Variants in ELFN1 observed in about 807,000 individuals in gnomAD.
The protein encoded by ELFN1 is extracellular leucine rich repeat and fibronectin type III domain containing 1.
In ELFN1, 6 loss-of-function variants were observed where a neutral mutation model predicts 7.6. The observed-to-expected ratio is 0.79, with a 90% CI of 0.43 to 1.56. The LOEUF (loss-of-function observed/expected upper bound fraction) is 1.56. ELFN1 is among the 40% of genes most tolerant of loss of function. ELFN1 has a pLI of 0.01. For synonymous variants in ELFN1, 657 were observed against 588.1 expected (o/e 1.12, Z -1.70); for missense variants, 1,169 against 1,232.2 (o/e 0.95, Z 0.77).
At position 1,745,277 on chromosome 7, in the gene ELFN1, C is replaced by T. The variant is rs764062860; in HGVS notation, c.681C>T (p.Ser227=). ...AGTGCGAGTCGCCGCCCGTCTACTC[C>T]GGCTACTACCTCCTGGGCCAGGGCC... ...RMQCESPPVY[S]GYYLLGQGRR... is the part of the protein sequence containing the mutation. The change falls in exon 4 of 4, where the codon TCC becomes TCT. Residue 227 remains serine, a synonymous_variant. Coordinates refer to ENST00000424383, the MANE Select transcript of ELFN1 (RefSeq NM_001128636.4). The T allele has an allele frequency of 1.2e-4, 189 of 1,538,572 alleles. No individual in the cohort carries two copies. The highest frequency in any genetic ancestry group is 3.0e-4 in the South Asian group (25 of 84,060).
chr7:1,691,928 G>A (rs1422539696), intron 2 of ELFN1: 2 of 152,298 alleles, frequency 1.3e-5, no homozygotes, highest in East Asian at 3.9e-4. Flanking sequence ...GGTATTTAAA[G>A]GCCGATTCTG....
chr7:1,692,958 G>GGCCTGC (rs1355519056), intron 2 of ELFN1: 3 of 238,644 alleles, frequency 1.3e-5, no homozygotes, highest in African/African-American at 6.6e-5. Context: ...GGCAGGCCTG[G>GGCCTGC]GCCTGCGCCA....
chr7:1,719,114 C>T (rs374552232), intron 3 of ELFN1, among the ~76,000 whole-genome samples: 1 of 150,568 alleles, frequency 6.6e-6, no homozygotes, highest in East Asian at 2.0e-4. Context: ...CGCCCACCAA[C>T]AGGACCCCGC....
At chr7:1,713,230 C>T (rs896637090) in intron 3 of ELFN1, among the ~76,000 whole-genome samples, 10 of 152,186 alleles carry the variant, frequency 6.6e-5, no homozygotes, top group Admixed American at 2.0e-4. Context: ...CCTCAGAGCC[C>T]GGCAGGTGGG....
At chr7:1,712,485 G>T (rs1779689910) in intron 3 of ELFN1, among the ~76,000 whole-genome samples, 1 of 150,982 alleles carries the variant, frequency 6.6e-6, no homozygotes, top group African/African-American at 2.4e-5. Context: ...AGGCTGGAGT[G>T]CAATGGTGCA....
intron 2 of ELFN1, among the ~76,000 whole-genome samples, chr7:1,694,974 G>A (rs1187796086): frequency 6.6e-6 from 1 of 152,232 alleles, no homozygotes; most frequent in African/African-American, 2.4e-5. Context: ...TGCCCAGCTG[G>A]GACAAATTCC....
intron 2 of ELFN1, among the ~76,000 whole-genome samples, chr7:1,703,984 T>A (rs562452082): frequency 1.3e-5 from 2 of 152,342 alleles, no homozygotes; most frequent in African/African-American, 4.8e-5. Context: ...CTCTTCTGTG[T>A]GACCTTCAGC....
intron 1 of ELFN1, among the ~76,000 whole-genome samples, chr7:1,675,520 C>A (rs1015428024): frequency 6.6e-6 from 1 of 152,238 alleles, no homozygotes; most frequent in African/African-American, 2.4e-5. Flanking sequence ...AACTCAGGCA[C>A]CTCTTAGTCA....
chr7:1,693,341 C>T lies in ELFN1; in HGVS notation c.-456+5191C>T, dbSNP rs377047935. 1,104 of 462,072 alleles carry T rather than the reference C, an allele frequency of 2.4e-3. 17 individuals carry two copies. The highest frequency in any genetic ancestry group is 0.017 in the South Asian group (1,070 of 64,446). The allele number at this position is 462,072 out of a possible 1,614,324, so 28.6% of individuals were successfully genotyped here. On this transcript the variant is annotated intron_variant, in intron 2 of 3. Coordinates refer to ENST00000424383, the MANE Select transcript of ELFN1 (RefSeq NM_001128636.4). ...AAGTGCCCGATTCCAAGAGTCTGGG[C>T]AGGCGTGGGCTTGGACTGCCCAGTG...
chr7:1,716,363 C>G (rs1270823973), intron 3 of ELFN1, among the ~76,000 whole-genome samples: 1 of 152,238 alleles, frequency 6.6e-6, no homozygotes, highest in Non-Finnish European at 1.5e-5. Context: ...TGGGTAAATT[C>G]TGAAGCCCTC....
chr7:1,671,418 G>T (rs954002531), intron 1 of ELFN1, among the ~76,000 whole-genome samples: 2 of 152,234 alleles, frequency 1.3e-5, no homozygotes, highest in African/African-American at 4.8e-5. Flanking sequence ...ACCCGGAGTG[G>T]GGCCTCTTTG....
intron 3 of ELFN1, among the ~76,000 whole-genome samples, chr7:1,732,650 C>G (rs543339803): frequency 6.6e-6 from 1 of 152,052 alleles, no homozygotes; most frequent in Admixed American, 6.5e-5. Flanking sequence ...TAGACAGAGG[C>G]GGGTGTCCTG....
chr7:1,698,096 CCTT>C (rs1283122263), intron 2 of ELFN1, among the ~76,000 whole-genome samples: 2 of 152,212 alleles, frequency 1.3e-5, no homozygotes, highest in Non-Finnish European at 2.9e-5. Flanking sequence ...TCTCTCCTGG[CCTT>C]CTTCATCTCT....
intron 3 of ELFN1, chr7:1,742,071 CA>C (rs970335489): frequency 2.6e-5 from 4 of 152,244 alleles, no homozygotes; most frequent in African/African-American, 9.7e-5. Context: ...CACATGCACA[CA>C]CACACACGTG....
chr7:1,673,093 C>CCT lies in ELFN1; in HGVS notation c.-549+2740_-549+2741insTC, dbSNP rs3996319. Among the ~76,000 whole-genome samples, 53,784 of 151,588 alleles carry CCT rather than the reference C, an allele frequency of 0.35. 9,889 individuals are homozygous for CCT. Among genetic ancestry groups the CCT allele is most frequent in the East Asian group, 0.58 (2,938 of 5,108 alleles). On this transcript the variant is annotated intron_variant, in intron 1 of 3. Transcript: ENST00000424383. This position sits in a 1 kb window ranked among gnomAD's most constrained non-coding sequence, Gnocchi z 4.7. ...TTTGTCATCTCTCCAGCGCCCCCCC[C>CCT]CGCTCTTTCCTTTTTGTTTTTGTTG...
In ELFN1 at chr7:1,746,990, T is replaced by C. The variant is rs750674255; in HGVS notation, c.2394T>C (p.His798=). 1.9e-6 allele frequency: 3 copies of C among 1,564,220 alleles called. No homozygotes were observed. Among genetic ancestry groups the C allele is most frequent in the South Asian group, 2.4e-5 (2 of 84,316 alleles). The change falls in exon 4 of 4, where the codon CAT becomes CAC. Residue 798 remains histidine, a synonymous_variant. Transcript: ENST00000424383. ...AAGAGGAGTTCATGGCCGCGGGCCATGCCCTGCGCAAGAAGGTTCAGTTCG... is the reference window on the plus strand; with the variant it reads ...AAGAGGAGTTCATGGCCGCGGGCCACGCCCTGCGCAAGAAGGTTCAGTTCG... ...KEEEEFMAAG[H]ALRKKVQFAK...
chr7:1,712,278 C>T (rs1008922942), intron 3 of ELFN1, among the ~76,000 whole-genome samples: 1 of 151,678 alleles, frequency 6.6e-6, no homozygotes, highest in African/African-American at 2.4e-5. Context: ...CCCGCCACCA[C>T]GCCCAGCTAG....
chr7:1,699,757 G>A (rs1469194515), intron 2 of ELFN1, among the ~76,000 whole-genome samples: 5 of 152,290 alleles, frequency 3.3e-5, no homozygotes, highest in Middle Eastern at 3.4e-3. Context: ...AGGCTGGAGT[G>A]CAATGGCATG....
intron 3 of ELFN1, among the ~76,000 whole-genome samples, chr7:1,736,268 C>T (rs186792224): frequency 4.6e-5 from 7 of 152,130 alleles, no homozygotes; most frequent in Admixed American, 6.5e-5. Flanking sequence ...ACCATCTCCC[C>T]GCCTCCCCCA....
Sources: gnomAD v4.1 joint callset for allele counts (sites outside exome capture counted in the v4.1 genomes callset) on GRCh38, gnomAD v4.1.1 for gene constraint, Gnocchi (gnomAD v3.1) non-coding constraint, MANE v1.5 for transcripts, NCBI Gene and HGNC (gene_info 2026-07-23, HGNC 2026-07-21) for gene names.